GRIK1: variants seen among roughly 807,000 people sequenced by gnomAD.
GRIK1 encodes glutamate ionotropic receptor kainate type subunit 1, also known as glutamate receptor ionotropic, kainate 1.
GRIK1 carries 69 observed loss-of-function variants against 105.7 expected under a neutral mutation model. The observed-to-expected ratio is 0.65, with a 90% CI of 0.54 to 0.80. GRIK1 has a LOEUF of 0.80. Ranked by LOEUF, GRIK1 falls within the 30% of genes least tolerant of loss-of-function variation. The pLI is 0.00. For missense variants in GRIK1, 1,109 were observed against 1,167.3 expected (o/e 0.95, Z 0.73); for synonymous variants, 438 against 431.3 (o/e 1.02, Z -0.19).
At chr21:29,645,257 A>G (rs2062594249) in intron 6 of GRIK1, among the ~76,000 whole-genome samples, 1 of 152,216 alleles carries the variant, frequency 6.6e-6, no homozygotes, top group South Asian at 2.1e-4. Flanking sequence ...TAAGGGAAAG[A>G]GTGAGAATTC....
At chr21:29,783,793 C>A (rs933330069) in intron 1 of GRIK1, among the ~76,000 whole-genome samples, 2 of 152,186 alleles carry the variant, frequency 1.3e-5, no homozygotes, top group Non-Finnish European at 1.5e-5. Context: ...ATAATTTTAA[C>A]TTTATTGACT....
chr21:29,560,531 T>C (rs866775444), intron 15 of GRIK1, among the ~76,000 whole-genome samples: 10 of 90,610 alleles, frequency 1.1e-4, no homozygotes, highest in African/African-American at 2.0e-4. Context: ...TTTCTTTCTT[T>C]CTTTCTTTCT....
At chr21:29,622,608 G>A (rs2062031555) in intron 7 of GRIK1, among the ~76,000 whole-genome samples, 1 of 152,186 alleles carries the variant, frequency 6.6e-6, no homozygotes, top group African/African-American at 2.4e-5. Flanking sequence ...CAATGAATGA[G>A]TACTACTGGG....
intron 16 of GRIK1, among the ~76,000 whole-genome samples, chr21:29,546,044 C>A (rs957441805): frequency 6.6e-6 from 1 of 152,200 alleles, no homozygotes; most frequent in Non-Finnish European, 1.5e-5. Flanking sequence ...ATCAGCTAGT[C>A]CAAGGCCACC....
chr21:29,759,079 A>C (rs1452775048), intron 1 of GRIK1: 1 of 152,656 alleles, frequency 6.6e-6, no homozygotes, highest in Non-Finnish European at 1.5e-5. Flanking sequence ...AAATCTTCTT[A>C]ATTGGAAAAC....
intron 1 of GRIK1, among the ~76,000 whole-genome samples, chr21:29,814,297 C>T (rs2067094335): frequency 6.6e-6 from 1 of 151,690 alleles, no homozygotes; most frequent in South Asian, 2.1e-4. Context: ...AGTTTTTGGT[C>T]TCTTCATGAC....
intron 1 of GRIK1, among the ~76,000 whole-genome samples, chr21:29,811,306 C>T (rs2067003090): frequency 1.3e-5 from 2 of 152,100 alleles, no homozygotes; most frequent in Admixed American, 6.6e-5. Context: ...TATATTTTCA[C>T]TCATGTGTGC....
At chr21:29,596,993 C>T (rs1202530024) in intron 8 of GRIK1, among the ~76,000 whole-genome samples, 1 of 152,102 alleles carries the variant, frequency 6.6e-6, no homozygotes, top group Non-Finnish European at 1.5e-5. Flanking sequence ...CACAGACACA[C>T]ACATATAAAG....
intron 1 of GRIK1, among the ~76,000 whole-genome samples, chr21:29,696,049 T>C (rs910779053): frequency 6.6e-6 from 1 of 152,188 alleles, no homozygotes; most frequent in African/African-American, 2.4e-5. Flanking sequence ...TTGAAAAAAA[T>C]GCAATAAACA....
At chr21:29,754,350 C>T (rs1478609412) in intron 1 of GRIK1, among the ~76,000 whole-genome samples, 2 of 152,092 alleles carry the variant, frequency 1.3e-5, no homozygotes, top group African/African-American at 4.8e-5. Context: ...AGACTGAGGT[C>T]CCAAGCAGGA....
At chr21:29,869,561 AAC>A (rs2068940521) in intron 1 of GRIK1, among the ~76,000 whole-genome samples, 1 of 152,224 alleles carries the variant, frequency 6.6e-6, no homozygotes, top group Non-Finnish European at 1.5e-5. Flanking sequence ...TGAAAATTAA[AAC>A]AGAGTCTTTT....
rs1329338251 is a variant in GRIK1, at chr21:29,642,966, C to T, written c.958G>A (p.Glu320Lys). The T allele has an allele frequency of 6.2e-7, 1 of 1,613,128 alleles. No homozygotes were observed. Among genetic ancestry groups the T allele is most frequent in the Admixed American group, 1.7e-5 (1 of 59,778 alleles). The change falls in exon 7 of 18, where the codon GAA becomes AAA. Residue 320 changes from glutamate to lysine, a missense_variant. Glu to Lys is a moderately conservative substitution (Grantham distance 56, BLOSUM62 1). Coordinates refer to ENST00000327783, the MANE Select transcript of GRIK1 (RefSeq NM_001330994.2). ...ACAGCATCGTACATCAGAGCCGCTTCAGTCTGTGGAGGAAAACACACACCG... is the reference window on the plus strand; with the variant it reads ...ACAGCATCGTACATCAGAGCCGCTTTAGTCTGTGGAGGAAAACACACACCG... The part of the protein sequence containing the change: ...TGLLDGMMTT[E>K]AALMYDAVYM...
At chr21:29,857,525 A>G (rs1292534840) in intron 1 of GRIK1, among the ~76,000 whole-genome samples, 1 of 152,216 alleles carries the variant, frequency 6.6e-6, no homozygotes, top group Non-Finnish European at 1.5e-5. Flanking sequence ...GTGAGTTAAA[A>G]CACAATAGAA....
At chr21:29,632,024 A>T (rs2062286730) in intron 7 of GRIK1, among the ~76,000 whole-genome samples, 1 of 151,866 alleles carries the variant, frequency 6.6e-6, no homozygotes, top group South Asian at 2.1e-4. Flanking sequence ...TGCAGAAGGG[A>T]TTGGACAAGT....
At chr21:29,824,809 A>G (rs1417180203) in intron 1 of GRIK1, among the ~76,000 whole-genome samples, 2 of 152,012 alleles carry the variant, frequency 1.3e-5, no homozygotes, top group Non-Finnish European at 2.9e-5. Context: ...ATAAGAAGAC[A>G]AAGAACAGCC....
chr21:29,846,129 G>T (rs774085361), intron 1 of GRIK1, among the ~76,000 whole-genome samples: 1 of 152,086 alleles, frequency 6.6e-6, no homozygotes, highest in South Asian at 2.1e-4. Flanking sequence ...AGTGGCTCAC[G>T]CCTGTAATCT....
chr21:29,620,941 A>G (rs1230048271), intron 7 of GRIK1, among the ~76,000 whole-genome samples: 1 of 149,438 alleles, frequency 6.7e-6, no homozygotes, highest in Non-Finnish European at 1.5e-5. Context: ...TGCTCTCTGT[A>G]TATATTATTT....
chr21:29,734,345 ACTTTTCTTTTCTTTT>A lies in GRIK1; in HGVS notation c.119-40297_119-40283del, dbSNP rs541782706. Among the ~76,000 whole-genome samples, 706 of 135,236 alleles carry A rather than the reference ACTTTTCTTTTCTTTT, an allele frequency of 5.2e-3. 19 individuals carry two copies. The highest frequency in any genetic ancestry group is 0.019 in the African/African-American group (568 of 30,466). 88.7% of individuals were successfully genotyped at this position (135,236 alleles called of 152,430 possible). On this transcript the variant is annotated intron_variant, in intron 1 of 17. Coordinates refer to ENST00000327783, the MANE Select transcript of GRIK1 (RefSeq NM_001330994.2). ...TTTAATGGATATACTGGATCATAGC[ACTTTTCTTTTCTTTT>A]CTTTTCTTTTCTTTTCTTTTCTTTT...
At position 29,727,113 on chromosome 21, in the gene GRIK1, A is replaced by G. The variant is rs1284968661; in HGVS notation, c.119-33050T>C. ...AAAATTTTTTGTATTTTCGGTAGAG[A>G]TGGGGTCTCATCATGTTGCCCAGGC... is the stretch of plus-strand genomic sequence containing the variant. On this transcript the variant is annotated intron_variant, in intron 1 of 17. Transcript: ENST00000327783. 2.0e-5 allele frequency among the ~76,000 whole-genome samples: 3 copies of G among 151,818 alleles called. No homozygotes were observed. In the East Asian group the frequency reaches 5.8e-4, roughly 29 times the overall value.
Sources: gnomAD v4.1 joint callset for allele counts (sites outside exome capture counted in the v4.1 genomes callset) on GRCh38, gnomAD v4.1.1 for gene constraint, MANE v1.5 for transcripts, NCBI Gene and HGNC (gene_info 2026-07-23, HGNC 2026-07-21) for gene names.